XKR9: variants seen among roughly 807,000 people sequenced by gnomAD.
XKR9 encodes the protein XK-related protein 9.
A neutral mutation model predicts 32.0 loss-of-function variants in XKR9; 32 were observed. That is an observed-to-expected ratio of 1.00 (90% confidence interval 0.76 to 1.34). The LOEUF (loss-of-function observed/expected upper bound fraction) is 1.34, where lower values mean the gene tolerates loss of function less well. Ranked by LOEUF, XKR9 falls within the 40% of genes most tolerant of loss-of-function variation. The pLI, the probability that XKR9 is intolerant of heterozygous loss-of-function variation, is 0.00. For missense variants in XKR9, 546 were observed against 429.7 expected, an observed-to-expected ratio of 1.27 and a Z score of -2.39; for synonymous variants, 168 against 143.4, an observed-to-expected ratio of 1.17 and a Z score of -1.22.
the XKR9 span, among the ~76,000 whole-genome samples, chr8:70,920,227 T>A: frequency 6.6e-6 from 1 of 152,206 alleles, no homozygotes; most frequent in African/African-American, 2.4e-5. Flanking sequence ...TACATGTTTT[T>A]AAATCAATGA....
chr8:70,680,011 A>C (rs1240557739), intron 2 of XKR9, among the ~76,000 whole-genome samples: 1 of 152,016 alleles, frequency 6.6e-6, no homozygotes, highest in Non-Finnish European at 1.5e-5. Context: ...TAAAAAAAAA[A>C]CCTCAAAAAA....
the XKR9 span, among the ~76,000 whole-genome samples, chr8:70,865,441 G>A: frequency 1.3e-5 from 2 of 151,558 alleles, no homozygotes; most frequent in Non-Finnish European, 2.9e-5. Flanking sequence ...TATAGTTCCG[G>A]TGTAAGGTTC....
chr8:70,742,995 A>T (rs938212792), intron 2 of XKR9, among the ~76,000 whole-genome samples: 3 of 151,664 alleles, frequency 2.0e-5, no homozygotes, highest in African/African-American at 7.3e-5. Context: ...GGCCATTATT[A>T]TTCTCATGGT....
chr8:70,987,618 C>T, the XKR9 span, among the ~76,000 whole-genome samples: 9 of 152,328 alleles, frequency 5.9e-5, no homozygotes, highest in African/African-American at 2.2e-4. Context: ...CTCTCACAGG[C>T]TGGTGTTGAG....
At chr8:70,899,161 A>G in the XKR9 span, among the ~76,000 whole-genome samples, 2 of 152,086 alleles carry the variant, frequency 1.3e-5, no homozygotes, top group African/African-American at 4.8e-5. Context: ...GGCTTCCAAG[A>G]TTAAAAAAAT....
At chr8:70,966,942 C>T in the XKR9 span, among the ~76,000 whole-genome samples, 32 of 151,712 alleles carry the variant, frequency 2.1e-4, no homozygotes, top group African/African-American at 7.5e-4. Context: ...GGGTTGTGAC[C>T]CCAGTTTTTT....
the XKR9 span, among the ~76,000 whole-genome samples, chr8:71,052,222 A>AT: frequency 6.6e-6 from 1 of 152,124 alleles, no homozygotes. Flanking sequence ...GATTGTTGTT[A>AT]TTGTGTTGTT....
the XKR9 span, among the ~76,000 whole-genome samples, chr8:70,852,091 AAAAC>A: frequency 6.6e-5 from 10 of 152,238 alleles, no homozygotes; most frequent in Admixed American, 3.3e-4. Flanking sequence ...TTACAAGAAA[AAAAC>A]AAACAATCCC....
At chr8:70,959,961 G>A in the XKR9 span, among the ~76,000 whole-genome samples, 3 of 152,208 alleles carry the variant, frequency 2.0e-5, no homozygotes, top group Non-Finnish European at 4.4e-5. Flanking sequence ...CGGGAGTGGT[G>A]GCTCACGCCT....
At chr8:70,761,693 G>A (rs954180997) in intron 2 of XKR9, among the ~76,000 whole-genome samples, 29 of 151,816 alleles carry the variant, frequency 1.9e-4, no homozygotes, top group Admixed American at 2.6e-4. Context: ...AAGCTCTTTA[G>A]TTTAATTAGA....
the XKR9 span, among the ~76,000 whole-genome samples, chr8:70,820,919 C>T: frequency 2.0e-5 from 3 of 152,112 alleles, no homozygotes; most frequent in Non-Finnish European, 4.4e-5. Flanking sequence ...GCCTCTCTTC[C>T]CTCCCAAATC....
the XKR9 span, among the ~76,000 whole-genome samples, chr8:70,828,741 A>G: frequency 6.6e-6 from 1 of 151,594 alleles, no homozygotes; most frequent in African/African-American, 2.4e-5. Context: ...AAAAAAAAAA[A>G]AAAAAGAAAG....
At chr8:70,828,886 A>C in the XKR9 span, among the ~76,000 whole-genome samples, 2 of 152,182 alleles carry the variant, frequency 1.3e-5, no homozygotes, top group Non-Finnish European at 2.9e-5. Context: ...TAAGGTCTTT[A>C]TATGCATTAA....
At chr8:70,779,375 G>C (rs13281739) in intron 2 of XKR9, among the ~76,000 whole-genome samples, 48,429 of 151,966 alleles carry the variant, frequency 0.32, 9,072 homozygotes, top group Non-Finnish European at 0.43. Flanking sequence ...GAAGATTTTC[G>C]CATCAATGTT....
At chr8:70,892,945 A>C in the XKR9 span, among the ~76,000 whole-genome samples, 1 of 151,790 alleles carries the variant, frequency 6.6e-6, no homozygotes, top group African/African-American at 2.4e-5. Context: ...ATTTTTCTTT[A>C]TCTTCTCCTT....
chr8:70,702,108 CCTT>C (rs1805558392), intron 3 of XKR9, among the ~76,000 whole-genome samples: 1 of 152,060 alleles, frequency 6.6e-6, no homozygotes, highest in African/African-American at 2.4e-5. Flanking sequence ...GTTGAACTCT[CCTT>C]CTTACCTATT....
chr8:70,931,112 AT>A, the XKR9 span, among the ~76,000 whole-genome samples: 2 of 151,402 alleles, frequency 1.3e-5, no homozygotes, highest in Non-Finnish European at 2.9e-5. Flanking sequence ...TAGTTGAACT[AT>A]TTTGAAGAAG....
the XKR9 span, among the ~76,000 whole-genome samples, chr8:70,993,465 A>T: frequency 6.6e-6 from 1 of 152,124 alleles, no homozygotes; most frequent in African/African-American, 2.4e-5. Flanking sequence ...ACAGTGTCCC[A>T]AAAATGTCCC....
chr8:70,941,306 C>T, the XKR9 span, among the ~76,000 whole-genome samples: 2 of 151,964 alleles, frequency 1.3e-5, no homozygotes, highest in African/African-American at 2.4e-5. Context: ...ACCTTAATTT[C>T]TTTTTTATGG....
Sources: allele counts gnomAD v4.1 joint callset (sites outside exome capture counted in the v4.1 genomes callset), GRCh38; gene constraint gnomAD v4.1.1; transcripts MANE v1.5; gene names NCBI Gene and HGNC (gene_info 2026-07-23, HGNC 2026-07-21).